Variants in CLPB observed in about 807,000 individuals in gnomAD.
The protein encoded by CLPB is ClpB family mitochondrial disaggregase.
CLPB carries 40 observed loss-of-function variants against 78.4 expected under a neutral mutation model. The ratio of observed to expected loss-of-function variants is 0.51; its 90% confidence interval spans 0.40 to 0.66. The LOEUF is 0.66. Among genes scored for constraint, CLPB ranks in the 30% least tolerant of loss-of-function variants. CLPB has a pLI of 0.00. For missense variants in CLPB, 780 were observed against 886.9 expected (o/e 0.88, Z 1.53); for synonymous variants, 333 against 348.0 (o/e 0.96, Z 0.48).
intron 5 of CLPB, among the ~76,000 whole-genome samples, chr11:72,356,242 C>T (rs1950711760): frequency 1.3e-5 from 2 of 150,202 alleles, no homozygotes; most frequent in Admixed American, 6.7e-5. Flanking sequence ...CGCGCCATTG[C>T]ACTCCAGCCT....
At chr11:72,406,664 A>C (rs1190491450) in intron 2 of CLPB, among the ~76,000 whole-genome samples, 1 of 152,196 alleles carries the variant, frequency 6.6e-6, no homozygotes, top group African/African-American at 2.4e-5. Context: ...CAGGGATTCT[A>C]AGATGTGATC....
chr11:72,419,362 A>G (rs113272530), intron 2 of CLPB, among the ~76,000 whole-genome samples: 1 of 152,320 alleles, frequency 6.6e-6, no homozygotes, highest in African/African-American at 2.4e-5. Context: ...TGTGGCCTAC[A>G]CTGCCTCAAG....
At chr11:72,318,874 G>C (rs1016118420) in intron 6 of CLPB, among the ~76,000 whole-genome samples, 3 of 152,188 alleles carry the variant, frequency 2.0e-5, no homozygotes, top group African/African-American at 7.2e-5. Context: ...GCCGACTTCA[G>C]CCATAGATCT....
At chr11:72,391,014 T>C (rs1459945292) in intron 3 of CLPB, among the ~76,000 whole-genome samples, 2 of 152,214 alleles carry the variant, frequency 1.3e-5, no homozygotes, top group Non-Finnish European at 2.9e-5. Context: ...TGCAACAACA[T>C]AGATGGATGA....
intron 11 of CLPB, among the ~76,000 whole-genome samples, chr11:72,297,764 TC>T (rs1454399416): frequency 6.7e-6 from 1 of 148,970 alleles, no homozygotes; most frequent in Non-Finnish European, 1.5e-5. Flanking sequence ...GCAGAGCTCA[TC>T]CCTAAGGACT....
intron 5 of CLPB, among the ~76,000 whole-genome samples, chr11:72,354,994 C>A (rs1343764507): frequency 6.6e-6 from 1 of 152,176 alleles, no homozygotes; most frequent in South Asian, 2.1e-4. Flanking sequence ...GTGTGAGAGC[C>A]TCTCAGGGTC....
intron 5 of CLPB, chr11:72,357,075 T>G (rs142644708): frequency 6.6e-6 from 1 of 152,316 alleles, no homozygotes; most frequent in Admixed American, 6.5e-5. Flanking sequence ...TCCCAAGAAC[T>G]GCTGCCACAT....
rs187274792 is a variant in CLPB at position 72,327,336 on chromosome 11, C to G, written c.873+2371G>C. 3.9e-3 allele frequency among the ~76,000 whole-genome samples: 587 copies of G among 152,352 alleles called. 2 individuals carry two copies. Among genetic ancestry groups the G allele is most frequent in the South Asian group, 0.01 (50 of 4,830 alleles). ...TCTCATGGCATAGTTCCTCCTGCCA[C>G]CCTACTGCCCTTTTCTGCACAGATT... On this transcript the variant is annotated intron_variant, in intron 6 of 15. Coordinates refer to ENST00000538039, the MANE Select transcript of CLPB (RefSeq NM_001258392.3).
chr11:72,324,190 T>A lies in CLPB; in HGVS notation c.873+5517A>T, dbSNP rs991394323. On this transcript the variant is annotated intron_variant, in intron 6 of 15. Coordinates refer to ENST00000538039, the MANE Select transcript of CLPB (RefSeq NM_001258392.3). The stretch of plus-strand genomic sequence containing the variant: ...TAATAGTCTGTTTCTTAATAAGGTG[T>A]GTCTTGTATGTGAAAATACAGTGAT... Among the ~76,000 whole-genome samples the A allele has an allele frequency of 4.6e-5, 7 of 152,116 alleles. No individual in the cohort carries two copies. In the East Asian group the frequency reaches 1.3e-3, roughly 29 times the overall value.
chr11:72,301,255 C>CA (rs1215554605), intron 11 of CLPB, among the ~76,000 whole-genome samples: 1 of 152,182 alleles, frequency 6.6e-6, no homozygotes, highest in Non-Finnish European at 1.5e-5. Context: ...TGAGAACCCT[C>CA]AGATTCTCAG....
At chr11:72,414,358 C>T (rs1855960798) in intron 2 of CLPB, among the ~76,000 whole-genome samples, 1 of 152,174 alleles carries the variant, frequency 6.6e-6, no homozygotes, top group Non-Finnish European at 1.5e-5. Context: ...ACCTACTGGC[C>T]CCACAGCAGG....
intron 14 of CLPB, 22 bp from the exon 15 acceptor site, chr11:72,294,148 C>G (rs775481010): frequency 6.2e-7 from 1 of 1,611,646 alleles, no homozygotes; most frequent in South Asian, 1.1e-5. Flanking sequence ...CAGATAGAAG[C>G]ATGCCTGCAT....
chr11:72,299,552 A>C (rs1212366899), intron 11 of CLPB, among the ~76,000 whole-genome samples: 1 of 149,578 alleles, frequency 6.7e-6, no homozygotes, highest in Non-Finnish European at 1.5e-5. Flanking sequence ...TTTATACATT[A>C]GGTTTCTACT....
chr11:72,421,847 C>T (rs569410995), intron 2 of CLPB, among the ~76,000 whole-genome samples: 1 of 152,316 alleles, frequency 6.6e-6, no homozygotes. Context: ...AGCCACATAC[C>T]CCAGAAAAGA....
chr11:72,416,283 G>T (rs919249342), intron 2 of CLPB, among the ~76,000 whole-genome samples: 1 of 152,074 alleles, frequency 6.6e-6, no homozygotes, highest in Non-Finnish European at 1.5e-5. Flanking sequence ...CCAAACTAAA[G>T]GCCACCTTGC....
At chr11:72,340,834 G>A (rs1464245832) in intron 5 of CLPB, among the ~76,000 whole-genome samples, 1 of 152,168 alleles carries the variant, frequency 6.6e-6, no homozygotes, top group African/African-American at 2.4e-5. Context: ...GATAATAAGA[G>A]TCCCTAACTT....
chr11:72,385,879 A>G (rs562771834), intron 3 of CLPB, among the ~76,000 whole-genome samples: 1 of 152,350 alleles, frequency 6.6e-6, no homozygotes, highest in South Asian at 2.1e-4. Context: ...GTATTCCACT[A>G]TAAGACTATT....
chr11:72,379,954 T>G (rs973778536), intron 4 of CLPB, among the ~76,000 whole-genome samples: 15 of 152,200 alleles, frequency 9.9e-5, no homozygotes, highest in African/African-American at 3.6e-4. Flanking sequence ...TACTGAAATC[T>G]GCTCCGTTGT....
chr11:72,422,601 C>G (rs950978822), intron 2 of CLPB, among the ~76,000 whole-genome samples: 1 of 152,160 alleles, frequency 6.6e-6, no homozygotes, highest in Non-Finnish European at 1.5e-5. Context: ...AGGCCTTGAC[C>G]TTTGGTCTAG....
Sources: gnomAD v4.1 joint callset for allele counts (sites outside exome capture counted in the v4.1 genomes callset) on GRCh38, gnomAD v4.1.1 for gene constraint, MANE v1.5 for transcripts, NCBI Gene and HGNC (gene_info 2026-07-23, HGNC 2026-07-21) for gene names.